Variants in TRAPPC2L observed in about 807,000 individuals in gnomAD.
The protein encoded by TRAPPC2L is trafficking protein particle complex subunit 2-like protein.
TRAPPC2L carries 17 observed loss-of-function variants against 13.2 expected under a neutral mutation model. The observed-to-expected ratio is 1.29, with a 90% CI of 0.88 to 1.93. The LOEUF is 1.93. TRAPPC2L is among the 30% of genes most tolerant of loss of function. The pLI is 0.00. For synonymous variants in TRAPPC2L, 150 were observed against 98.1 expected (o/e 1.53, Z -3.12); for missense variants, 359 against 252.1 (o/e 1.42, Z -2.87).
chr16:88,860,060 TAAGG>T lies in TRAPPC2L; in HGVS notation c.463_466del (p.Lys155GlufsTer6). 2 of 1,254,018 alleles carry T rather than the reference TAAGG, an allele frequency of 1.6e-6. No homozygotes were observed. Among genetic ancestry groups the T allele is most frequent in the Non-Finnish European group, 2.3e-6 (2 of 871,040 alleles). The allele number at this position is 1,254,018 out of a possible 1,614,324, so 77.7% of individuals were successfully genotyped here. A position where few individuals can be genotyped will look rare whatever the true frequency, so the allele number is the denominator to read the frequency against. On this transcript the variant is annotated frameshift_variant, in exon 4 of 4. Transcript: ENST00000565504. LOFTEE classifies it low-confidence loss of function (END_TRUNC). ...TGCCAAAATGCAACCATTTGGAAAA[TAAGG>T]GAGGAAAGATCTTTTTAAGCTATGA...
exon 4 of TRAPPC2L, chr16:88,860,387 C>T (rs1211226148): frequency 1.6e-6 from 1 of 620,360 alleles, no homozygotes; most frequent in Non-Finnish European, 2.9e-6. Context: ...GAATAGTCCA[C>T]AAAGTAAACA....
At chr16:88,857,076 A>G (rs953188169), upstream of TRAPPC2L, 3 of 1,509,436 alleles carry the variant, frequency 2.0e-6, no homozygotes, top group East Asian at 2.6e-5. Flanking sequence ...CTGTGTGCGG[A>G]TGGGGCGGGG....
At chr16:88,856,560 TC>T, upstream of TRAPPC2L, 3 of 548,314 alleles carry the variant, frequency 5.5e-6, no homozygotes, top group East Asian at 6.6e-5. Context: ...CCGAGGGGCC[TC>T]CCCCTCCCCG....
chr16:88,857,614 T>A (rs1312704502), intron 1 of TRAPPC2L, among the ~76,000 whole-genome samples: 1 of 152,286 alleles, frequency 6.6e-6, no homozygotes. Context: ...CTGAGACCTC[T>A]GCAGTGGCTT....
At chr16:88,859,899 C>A in exon 4 of TRAPPC2L, 1 of 1,595,662 alleles carries the variant, frequency 6.3e-7, no homozygotes, top group Non-Finnish European at 8.6e-7. Flanking sequence ...TCAGATGTTC[C>A]GGAAGCTACA....
intron 1 of TRAPPC2L, among the ~76,000 whole-genome samples, chr16:88,857,862 C>T (rs527353783): frequency 6.6e-6 from 1 of 152,282 alleles, no homozygotes; most frequent in South Asian, 2.1e-4. Context: ...GGTGGCTGCC[C>T]ACACGCTCCT....
chr16:88,859,817 G>C, intron 3 of TRAPPC2L, 67 bp downstream of exon 3: 1 of 1,585,846 alleles, frequency 6.3e-7, no homozygotes, highest in Admixed American at 1.8e-5. Flanking sequence ...ACTTTGTTTT[G>C]AAATGCTGAG....
chr16:88,861,377 T>TAGGGGC (rs1026263061), exon 4 of TRAPPC2L: 1 of 350,396 alleles, frequency 2.9e-6, no homozygotes, highest in African/African-American at 2.1e-5. Flanking sequence ...GCCTAGGATC[T>TAGGGGC]AGGGGCACAA....
rs745812787 is a variant in TRAPPC2L, at chr16:88,857,206, G to A, written c.33+23G>A. 7 of 1,547,534 alleles carry A rather than the reference G, an allele frequency of 4.5e-6. No individual in the cohort carries two copies. The Admixed American group carries it at 1.1e-4, about 25-fold the overall frequency. On this transcript the variant is annotated intron_variant, in intron 1 of 3. Transcript: ENST00000565504. ...GAGGTGCGTACGCGCGGCGTGGGGC[G>A]TCCGGGCTCGCACCATCCTCGGCTC...
chr16:88,861,456 T>C (rs995745676), exon 4 of TRAPPC2L: 3 of 347,536 alleles, frequency 8.6e-6, no homozygotes, highest in Middle Eastern at 7.8e-4. Context: ...ATTCTTTGCA[T>C]CTGGCTCAAT....
exon 1 of TRAPPC2L, chr16:88,857,150 G>A (rs765020382): frequency 1.8e-5 from 29 of 1,582,064 alleles, no homozygotes; most frequent in East Asian, 2.4e-5. Context: ...AGCCTCCCAA[G>A]ATGGCGGTGT....
At chr16:88,859,495 C>T in intron 2 of TRAPPC2L, 168 bp from the exon 3 acceptor site, 2 of 750,492 alleles carry the variant, frequency 2.7e-6, no homozygotes, top group South Asian at 2.8e-5. Flanking sequence ...CAGACGTCGC[C>T]CTAGCAAAGT....
At chr16:88,860,566 G>C (rs1399253079) in exon 4 of TRAPPC2L, 4 of 591,064 alleles carry the variant, frequency 6.8e-6, no homozygotes, top group East Asian at 5.6e-5. Context: ...CTGTCTTGGG[G>C]CCATCCTGGT....
chr16:88,857,010 G>A (rs950210785), upstream of TRAPPC2L: 39 of 1,389,606 alleles, frequency 2.8e-5, no homozygotes, highest in Non-Finnish European at 3.5e-5. Context: ...GTCCGCGGAG[G>A]GACGGGAGGC....
At chr16:88,860,518 G>A (rs1166483662) in exon 4 of TRAPPC2L, 2 of 598,180 alleles carry the variant, frequency 3.3e-6, no homozygotes, top group Non-Finnish European at 5.9e-6. Context: ...AGAGGACGCT[G>A]CAGTGATCCA....
chr16:88,857,069 T>G (rs114211454), upstream of TRAPPC2L: 1 of 1,496,544 alleles, frequency 6.7e-7, no homozygotes. Flanking sequence ...GAGCCAGCTG[T>G]GTGCGGATGG....
upstream of TRAPPC2L, chr16:88,856,639 G>A (rs1230947784): frequency 2.2e-5 from 8 of 370,176 alleles, no homozygotes; most frequent in Non-Finnish European, 4.2e-5. Context: ...TCCCCAAGGG[G>A]CCTCCCCTCA....
chr16:88,858,590 C>T (rs1470706594), intron 1 of TRAPPC2L, 29 bp from the exon 2 acceptor site: 2 of 1,606,614 alleles, frequency 1.2e-6, no homozygotes, highest in African/African-American at 1.3e-5. Context: ...GAGTCTTGTC[C>T]TTTCAGTCGC....
At chr16:88,861,527 C>T (rs570766417) in exon 4 of TRAPPC2L, 10 of 400,126 alleles carry the variant, frequency 2.5e-5, no homozygotes, top group East Asian at 8.2e-5. Context: ...CTCGTGGCCC[C>T]GCGGCGTTGG....
Sources: allele counts gnomAD v4.1 joint callset (sites outside exome capture counted in the v4.1 genomes callset), GRCh38; gene constraint gnomAD v4.1.1; transcripts MANE v1.5; gene names NCBI Gene and HGNC (gene_info 2026-07-23, HGNC 2026-07-21).